TPRG1: variants seen among roughly 807,000 people sequenced by gnomAD.
TPRG1 encodes the protein tumor protein p63 regulated 1.
A neutral mutation model predicts 29.3 loss-of-function variants in TPRG1; 29 were observed. The observed-to-expected ratio is 0.99, with a 90% CI of 0.74 to 1.35. The LOEUF (loss-of-function observed/expected upper bound fraction) is 1.35, where lower values mean the gene tolerates loss of function less well. TPRG1 is among the 40% of genes most tolerant of loss of function. TPRG1 has a pLI of 0.00. For missense variants in TPRG1, 327 were observed against 335.0 expected (o/e 0.98, Z 0.19); for synonymous variants, 130 against 116.8 (o/e 1.11, Z -0.73).
chr3:189,042,545 C>T (rs900565583), intron 4 of TPRG1, among the ~76,000 whole-genome samples: 1 of 152,046 alleles, frequency 6.6e-6, no homozygotes, highest in Non-Finnish European at 1.5e-5. Flanking sequence ...GACGTTGTAT[C>T]TTCAGATGAA....
intron 1 of TPRG1, among the ~76,000 whole-genome samples, chr3:189,183,697 GCT>G (rs1420597193): frequency 1.3e-5 from 2 of 152,004 alleles, no homozygotes; most frequent in African/African-American, 4.8e-5. Context: ...GAGAAATATG[GCT>G]CTGTTCCACC....
chr3:189,272,732 CTTCCTTCCTTCCTTCCTTCG>C (rs1228640889), intron 4 of TPRG1, among the ~76,000 whole-genome samples: 1 of 139,772 alleles, frequency 7.2e-6, no homozygotes, highest in African/African-American at 3.0e-5. Flanking sequence ...TCCTTCCTTC[CTTCCTTCCTTCCTTCCTTCG>C]TTCCTTCCTT....
intron 3 of TPRG1, among the ~76,000 whole-genome samples, chr3:189,233,260 A>G (rs144910678): frequency 2.0e-5 from 3 of 152,242 alleles, no homozygotes; most frequent in African/African-American, 7.2e-5. Context: ...GAAGGAAATT[A>G]TTTCCAAACC....
chr3:189,071,869 A>G (rs1436261577), intron 4 of TPRG1, among the ~76,000 whole-genome samples: 2 of 152,234 alleles, frequency 1.3e-5, no homozygotes, highest in Non-Finnish European at 2.9e-5. Flanking sequence ...GGTTCCCACA[A>G]ATAAAATCAG....
chr3:189,185,425 C>G (rs1455555920), intron 1 of TPRG1, among the ~76,000 whole-genome samples: 1 of 151,908 alleles, frequency 6.6e-6, no homozygotes, highest in Non-Finnish European at 1.5e-5. Flanking sequence ...GGTGTTTTGC[C>G]ATGTTGCCCA....
intron 1 of TPRG1, among the ~76,000 whole-genome samples, chr3:189,201,859 C>G (rs1188697836): frequency 2.0e-5 from 3 of 152,064 alleles, no homozygotes; most frequent in African/African-American, 7.2e-5. Flanking sequence ...CCATGTTGGC[C>G]AGGCTGGTCT....
chr3:189,153,342 A>C (rs183920412), intron 5 of TPRG1, among the ~76,000 whole-genome samples: 14 of 152,322 alleles, frequency 9.2e-5, no homozygotes, highest in African/African-American at 3.1e-4. Context: ...TTGAGTTTAC[A>C]CTCTTAAAAA....
intron 1 of TPRG1, among the ~76,000 whole-genome samples, chr3:189,114,229 A>C (rs1260056176): frequency 6.6e-6 from 1 of 152,018 alleles, no homozygotes; most frequent in Non-Finnish European, 1.5e-5. Context: ...GGAAACCAAC[A>C]TGTTGGACAC....
At chr3:189,212,814 A>C (rs896621663) in intron 2 of TPRG1, among the ~76,000 whole-genome samples, 2 of 152,194 alleles carry the variant, frequency 1.3e-5, no homozygotes, top group African/African-American at 4.8e-5. Flanking sequence ...AGCTCATTAC[A>C]TCGAGAAAAA....
chr3:189,051,124 G>C (rs767430442), intron 4 of TPRG1, among the ~76,000 whole-genome samples: 4 of 152,142 alleles, frequency 2.6e-5, no homozygotes, highest in Non-Finnish European at 4.4e-5. Context: ...CATCCAAATC[G>C]GTAAAGAGGA....
At chr3:189,109,420 C>T (rs1301012437) in intron 1 of TPRG1, among the ~76,000 whole-genome samples, 4 of 152,162 alleles carry the variant, frequency 2.6e-5, no homozygotes, top group Admixed American at 6.5e-5. Flanking sequence ...GATGCAGCAA[C>T]GTGTGTGAAC....
chr3:189,259,988 A>G lies in TPRG1; in HGVS notation c.479+21079A>G, dbSNP rs1336443481. Among the ~76,000 whole-genome samples, 7 of 152,254 alleles carry G rather than the reference A, an allele frequency of 4.6e-5. No individual in the cohort carries two copies. The East Asian group carries it at 9.7e-4, about 21-fold the overall frequency. ...GTCACTAAGCCCCATTTCTTTCCCC[A>G]TATTCTCATCTGAACTCTAATGAGG... On this transcript the variant is annotated intron_variant, in intron 4 of 5. Coordinates refer to ENST00000345063, the MANE Select transcript of TPRG1 (RefSeq NM_198485.4).
intron 1 of TPRG1, among the ~76,000 whole-genome samples, chr3:189,177,144 T>C (rs1490867420): frequency 6.6e-6 from 1 of 152,118 alleles, no homozygotes; most frequent in African/African-American, 2.4e-5. Context: ...TTCTAGTGGC[T>C]GATATATAGA....
Position 189,323,341 on chromosome 3 carries a change from A to T in TPRG1, c.*2521A>T, listed in dbSNP as rs1005541749. Reference sequence around the variant, plus strand: ...GGATCAATCATGGGAGACCCTGAAAAATTTCCTTACCTTTCCTAAGGTTTA... The same window carrying T: ...GGATCAATCATGGGAGACCCTGAAATATTTCCTTACCTTTCCTAAGGTTTA... On this transcript the variant is annotated 3_prime_UTR_variant, in exon 6 of 6. Transcript: ENST00000345063. The T allele has an allele frequency of 6.6e-6, 1 of 152,094 alleles. No homozygotes were observed. The highest frequency in any genetic ancestry group is 6.6e-5 in the Admixed American group (1 of 15,246). The allele number at this position is 152,094 out of a possible 1,614,324, so 9.4% of individuals were successfully genotyped here.
At chr3:189,226,082 G>C (rs1737676982) in intron 3 of TPRG1, among the ~76,000 whole-genome samples, 1 of 152,216 alleles carries the variant, frequency 6.6e-6, no homozygotes, top group African/African-American at 2.4e-5. Flanking sequence ...TCTTCTCTCA[G>C]TAATTGGTAT....
rs189826275 is a variant in TPRG1, at chr3:189,221,787, A to T, written c.302+6404A>T. 8.8e-4 allele frequency among the ~76,000 whole-genome samples: 134 copies of T among 152,280 alleles called. 1 individual carries two copies. Among genetic ancestry groups the T allele is most frequent in the African/African-American group, 2.8e-3 (117 of 41,556 alleles). ...CACCTACTATCCTATGCAATTCTCA[A>T]ACAGACCCATGGGAGAAGGCAGGGA... On this transcript the variant is annotated intron_variant, in intron 3 of 5. Coordinates refer to ENST00000345063, the MANE Select transcript of TPRG1 (RefSeq NM_198485.4).
At chr3:189,085,447 A>ATGTGTGTGTGTGTGCGTGCG (rs760271078) in intron 4 of TPRG1, among the ~76,000 whole-genome samples, 1 of 121,922 alleles carries the variant, frequency 8.2e-6, no homozygotes, top group African/African-American at 4.3e-5. Context: ...GTGTGTGTGC[A>ATGTGTGTGTGTGTGCGTGCG]TGTGTGTGTG....
chr3:189,312,147 TTCTTTCTTTCTTTCTTTCTTTC>T (rs1560689256), intron 5 of TPRG1, among the ~76,000 whole-genome samples: 2 of 62,120 alleles, frequency 3.2e-5, no homozygotes, highest in African/African-American at 1.4e-4. Flanking sequence ...CTTTCTTTCT[TTCTTTCTTTCTTTCTTTCTTTC>T]TTTCTTTCTT....
At chr3:189,128,175 G>A (rs1722702071) in intron 2 of TPRG1, among the ~76,000 whole-genome samples, 1 of 152,180 alleles carries the variant, frequency 6.6e-6, no homozygotes, top group African/African-American at 2.4e-5. Context: ...CCTGTTTGTC[G>A]TGTACTCTTA....
Sources: allele counts gnomAD v4.1 joint callset (sites outside exome capture counted in the v4.1 genomes callset), GRCh38; gene constraint gnomAD v4.1.1; transcripts MANE v1.5; gene names NCBI Gene and HGNC (gene_info 2026-07-23, HGNC 2026-07-21).